The following ITFG1 variants were observed in gnomAD, a reference collection of about 807,000 sequenced individuals.
ITFG1 encodes T-cell immunomodulatory protein.
Under a neutral mutation model 81.8 loss-of-function variants are expected in ITFG1, and 34 were observed. The observed-to-expected ratio is 0.42, with a 90% confidence interval of 0.32 to 0.55. ITFG1 has a LOEUF of 0.55. ITFG1 is among the 20% of genes least tolerant of loss of function. The pLI, the probability that ITFG1 is intolerant of heterozygous loss-of-function variation, is 0.17. For missense variants in ITFG1, 672 were observed against 755.4 expected (o/e 0.89, Z 1.29); for synonymous variants, 285 against 270.6 (o/e 1.05, Z -0.52).
chr16:47,187,703 C>G (rs1965239646), intron 14 of ITFG1, among the ~76,000 whole-genome samples: 1 of 151,350 alleles, frequency 6.6e-6, no homozygotes, highest in African/African-American at 2.4e-5. Flanking sequence ...TAGGCATGGG[C>G]AAGCACTTCC....
At chr16:47,298,411 A>G (rs557043096) in intron 10 of ITFG1, among the ~76,000 whole-genome samples, 1 of 152,032 alleles carries the variant, frequency 6.6e-6, no homozygotes, top group African/African-American at 2.4e-5. Context: ...TATTACACTG[A>G]TTTCTTTACA....
intron 14 of ITFG1, among the ~76,000 whole-genome samples, chr16:47,176,740 A>G (rs921547849): frequency 2.0e-5 from 3 of 152,190 alleles, no homozygotes; most frequent in Non-Finnish European, 2.9e-5. Flanking sequence ...TGGTAGCAGG[A>G]TGGGATGGAG....
intron 5 of ITFG1, among the ~76,000 whole-genome samples, chr16:47,429,113 C>A (rs1480774168): frequency 1.3e-5 from 2 of 152,118 alleles, no homozygotes; most frequent in African/African-American, 2.4e-5. Flanking sequence ...TTTCATCACA[C>A]CAAAAAAGAA....
intron 14 of ITFG1, among the ~76,000 whole-genome samples, chr16:47,208,284 C>T (rs527796629): frequency 1.3e-5 from 2 of 152,288 alleles, no homozygotes; most frequent in Admixed American, 6.5e-5. Context: ...TCAGATTCTT[C>T]AGCTCTAAAG....
At chr16:47,206,237 T>C (rs931217867) in intron 14 of ITFG1, among the ~76,000 whole-genome samples, 4 of 152,120 alleles carry the variant, frequency 2.6e-5, no homozygotes, top group African/African-American at 9.7e-5. Flanking sequence ...ATCTCTCCAG[T>C]TGGATCCAAA....
chr16:47,306,789 C>T (rs1320240512), intron 10 of ITFG1, among the ~76,000 whole-genome samples: 1 of 151,802 alleles, frequency 6.6e-6, no homozygotes, highest in Non-Finnish European at 1.5e-5. Flanking sequence ...ACAGACATGA[C>T]TGAAATAATA....
intron 2 of ITFG1, among the ~76,000 whole-genome samples, chr16:47,457,259 T>C (rs1450809437): frequency 6.7e-6 from 1 of 149,446 alleles, no homozygotes; most frequent in Non-Finnish European, 1.5e-5. Context: ...TGCAGTGAGC[T>C]GAGATGATGC....
intron 8 of ITFG1, among the ~76,000 whole-genome samples, chr16:47,364,143 T>G (rs1209134334): frequency 6.6e-6 from 1 of 152,178 alleles, no homozygotes; most frequent in African/African-American, 2.4e-5. Flanking sequence ...TTACCAATAT[T>G]CAACTAAAAA....
rs199550231 is a variant in ITFG1 at position 47,311,282 on chromosome 16, C to T, written c.1028G>A (p.Gly343Asp). 5.0e-6 allele frequency: 8 copies of T among 1,612,826 alleles called. No individual in the cohort carries two copies. The highest frequency in any genetic ancestry group is 4.0e-5 in the African/African-American group (3 of 74,866). Residue 343 changes from glycine to aspartate, a missense_variant, in exon 10 of 18, where the codon GGC becomes GAC. Physicochemically the swap from Gly to Asp is moderately conservative, Grantham distance 94. This residue lies in a region of ITFG1 where 560 missense variants were observed against 625.7 expected (regional missense o/e 0.90). Coordinates refer to ENST00000320640, the MANE Select transcript of ITFG1 (RefSeq NM_030790.5). ...TLHIGDYNMD[G>D]YPDALVILKN... Reference sequence around the variant, plus strand: ...TAGTATGACCAGAGCGTCTGGATAGCCATCCATATTGTAGTCTCCAATATG... The same window carrying T: ...TAGTATGACCAGAGCGTCTGGATAGTCATCCATATTGTAGTCTCCAATATG...
intron 5 of ITFG1, 105 bp from the exon 6 acceptor site, chr16:47,429,003 T>A: frequency 1.5e-6 from 1 of 679,520 alleles, no homozygotes; most frequent in South Asian, 1.9e-5. Flanking sequence ...TTTATTTTCA[T>A]TGATATATTC....
At chr16:47,180,639 C>T (rs1448667101) in intron 14 of ITFG1, among the ~76,000 whole-genome samples, 1 of 152,202 alleles carries the variant, frequency 6.6e-6, no homozygotes, top group South Asian at 2.1e-4. Flanking sequence ...CCAGCCTCGG[C>T]CTCCCGAGGT....
intron 14 of ITFG1, among the ~76,000 whole-genome samples, chr16:47,207,105 C>T (rs752267058): frequency 5.9e-5 from 9 of 151,876 alleles, no homozygotes; most frequent in South Asian, 2.1e-4. Flanking sequence ...TTTTTTGAGA[C>T]GGAGTCTCGC....
At position 47,443,804 on chromosome 16, in the gene ITFG1, G is replaced by A. The variant is rs542354655; in HGVS notation, c.560+7592C>T. Among the ~76,000 whole-genome samples, 25 of 152,188 alleles carry A rather than the reference G, an allele frequency of 1.6e-4. 1 individual carries two copies. The highest frequency in any genetic ancestry group is 5.2e-4 in the Admixed American group (8 of 15,272). On this transcript the variant is annotated intron_variant, in intron 5 of 17. Coordinates refer to ENST00000320640, the MANE Select transcript of ITFG1 (RefSeq NM_030790.5). ...AGGAGATATACCTAATCTAAATGAC[G>A]AGTTAATGGGTGCAGCACACCAACA...
At chr16:47,263,639 C>T (rs570350700) in intron 10 of ITFG1, 6 of 180,008 alleles carry the variant, frequency 3.3e-5, no homozygotes, top group East Asian at 3.7e-4. Flanking sequence ...ACACTGACCT[C>T]TATGTGTTAC....
At chr16:47,267,872 T>C (rs1350712745) in intron 10 of ITFG1, among the ~76,000 whole-genome samples, 1 of 152,114 alleles carries the variant, frequency 6.6e-6, no homozygotes, top group Non-Finnish European at 1.5e-5. Context: ...TCAAGATTTG[T>C]TGTATGTCAC....
chr16:47,307,325 C>T (rs2151562721), intron 10 of ITFG1, among the ~76,000 whole-genome samples: 1 of 151,904 alleles, frequency 6.6e-6, no homozygotes, highest in Admixed American at 6.6e-5. Context: ...TGTAATATAT[C>T]TTTTAATATA....
intron 9 of ITFG1, 83 bp downstream of exon 9, chr16:47,313,646 C>G (rs895215261): frequency 1.6e-6 from 1 of 633,458 alleles, no homozygotes; most frequent in African/African-American, 1.9e-5. Flanking sequence ...TGTTCTGATT[C>G]TACAGGTATC....
chr16:47,190,550 T>C (rs1189478656), intron 14 of ITFG1, among the ~76,000 whole-genome samples: 1 of 152,216 alleles, frequency 6.6e-6, no homozygotes, highest in South Asian at 2.1e-4. Flanking sequence ...AGTGTCAGTA[T>C]GCATATTCTT....
chr16:47,407,610 G>A (rs577287136), intron 6 of ITFG1, among the ~76,000 whole-genome samples: 3 of 152,208 alleles, frequency 2.0e-5, no homozygotes, highest in Admixed American at 6.5e-5. Flanking sequence ...GCCTCCGAAC[G>A]TGTTGGGATT....
Sources: gnomAD v4.1 joint callset for allele counts (sites outside exome capture counted in the v4.1 genomes callset) on GRCh38, gnomAD v4.1.1 for gene constraint, gnomAD v4.1.1 regional missense constraint, MANE v1.5 for transcripts, NCBI Gene and HGNC (gene_info 2026-07-23, HGNC 2026-07-21) for gene names.